LTBP1: variants seen among roughly 807,000 people sequenced by gnomAD.
LTBP1 encodes the protein latent-transforming growth factor beta-binding protein 1.
A neutral mutation model predicts 207.6 loss-of-function variants in LTBP1; 129 were observed. That is an observed-to-expected ratio of 0.62 (90% CI 0.54 to 0.72). LTBP1 has a LOEUF of 0.72. Ranked by LOEUF, LTBP1 falls within the 30% of genes least tolerant of loss-of-function variation. The pLI is 0.00. For missense variants in LTBP1, 2,281 were observed against 2,217.2 expected (o/e 1.03, Z -0.58); for synonymous variants, 963 against 833.7 (o/e 1.16, Z -2.67).
intron 3 of LTBP1, among the ~76,000 whole-genome samples, chr2:33,032,087 C>T (rs1189153553): frequency 2.0e-5 from 3 of 152,126 alleles, no homozygotes; most frequent in Admixed American, 6.5e-5. Flanking sequence ...CCTTTGGATT[C>T]GGGTTAAGGA....
chr2:33,037,162 CT>C lies in LTBP1; in HGVS notation c.863+15957del, dbSNP rs572595266. Among the ~76,000 whole-genome samples, 649 of 149,836 alleles carry C rather than the reference CT, an allele frequency of 4.3e-3. 7 individuals carry two copies. The highest frequency in any genetic ancestry group is 0.014 in the African/African-American group (591 of 40,982). On this transcript the variant is annotated intron_variant, in intron 3 of 33. Transcript: ENST00000404816. Reference sequence around the variant, plus strand: ...CACTATTTATTGACTAATTCTCCCCCTGTCCCTCTCATAAAAAAAATTATAA... The same window carrying C: ...CACTATTTATTGACTAATTCTCCCCCGTCCCTCTCATAAAAAAAATTATAA...
At chr2:33,137,240 C>A (rs1157790571) in intron 5 of LTBP1, among the ~76,000 whole-genome samples, 1 of 151,904 alleles carries the variant, frequency 6.6e-6, no homozygotes, top group East Asian at 1.9e-4. Context: ...TGATTTTTTT[C>A]TTCTCTCTTT....
intron 2 of LTBP1, among the ~76,000 whole-genome samples, chr2:32,985,994 G>A (rs1683501728): frequency 6.6e-6 from 1 of 151,992 alleles, no homozygotes; most frequent in Non-Finnish European, 1.5e-5. Flanking sequence ...GTTTCTAAGG[G>A]TGTTTTTTTC....
intron 7 of LTBP1, among the ~76,000 whole-genome samples, chr2:33,212,239 G>A (rs1157987478): frequency 6.6e-6 from 1 of 152,210 alleles, no homozygotes; most frequent in Non-Finnish European, 1.5e-5. Flanking sequence ...ATCATGACCA[G>A]TGCACTGCTG....
At chr2:33,062,377 A>G (rs751039203) in intron 3 of LTBP1, among the ~76,000 whole-genome samples, 36 of 152,158 alleles carry the variant, frequency 2.4e-4, no homozygotes, top group Admixed American at 3.9e-4. Context: ...CCTACTCTCA[A>G]ATTATAAAGA....
rs1337807874 is a variant in LTBP1, at chr2:33,215,715, TG to T, written c.1702-1836del. 9.9e-4 allele frequency among the ~76,000 whole-genome samples: 135 copies of T among 136,226 alleles called. 11 individuals are homozygous for T. The highest frequency in any genetic ancestry group is 1.9e-3 in the Admixed American group (26 of 13,938). 89.4% of individuals were successfully genotyped at this position (136,226 alleles called of 152,430 possible). A position where few individuals can be genotyped will look rare whatever the true frequency, so the allele number is the denominator to read the frequency against. On this transcript the variant is annotated intron_variant, in intron 7 of 33. Transcript: ENST00000404816. ...TGCTAAACTTCCATTGGTTTTCTTT[TG>T]TTTTTTGTTTTTTTTTTTTGAGATA... is the stretch of plus-strand genomic sequence containing the variant.
chr2:33,276,259 G>A (rs1227789309), intron 18 of LTBP1, among the ~76,000 whole-genome samples: 2 of 152,214 alleles, frequency 1.3e-5, no homozygotes, highest in Non-Finnish European at 2.9e-5. Flanking sequence ...TGCTGCAGGT[G>A]TAACCAGTGT....
chr2:33,370,552 C>G (rs751057891), intron 31 of LTBP1, among the ~76,000 whole-genome samples: 12 of 152,202 alleles, frequency 7.9e-5, no homozygotes, highest in Non-Finnish European at 1.6e-4. Context: ...TAGCATCTAA[C>G]TTTATTTTGT....
chr2:33,318,398 T>C (rs963186952), intron 24 of LTBP1, among the ~76,000 whole-genome samples: 1 of 152,168 alleles, frequency 6.6e-6, no homozygotes, highest in Non-Finnish European at 1.5e-5. Flanking sequence ...TTCCAGGCCT[T>C]GTTCCAAGGG....
At chr2:33,050,899 AATTTTTAT>A (rs1441696894) in intron 3 of LTBP1, among the ~76,000 whole-genome samples, 1 of 151,912 alleles carries the variant, frequency 6.6e-6, no homozygotes, top group Non-Finnish European at 1.5e-5. Context: ...ATGCCCAGCT[AATTTTTAT>A]ATTTTTAGTA....
At chr2:33,218,364 A>G (rs914736661) in intron 8 of LTBP1, among the ~76,000 whole-genome samples, 5 of 152,176 alleles carry the variant, frequency 3.3e-5, no homozygotes, top group African/African-American at 1.2e-4. Context: ...TTTTCAATGT[A>G]GTATTAACTC....
rs150749799 is a variant in LTBP1, at chr2:33,034,414, G to A, written c.863+13208G>A. Among the ~76,000 whole-genome samples, 562 of 152,240 alleles carry A rather than the reference G, an allele frequency of 3.7e-3. 4 individuals are homozygous for A. The highest frequency in any genetic ancestry group is 0.013 in the African/African-American group (541 of 41,542). ...AGGTGTTTTAGCTGGGCTTCTACTT[G>A]AAATTTTGTAGTGTGAATGTATATC... On this transcript the variant is annotated intron_variant, in intron 3 of 33. Coordinates refer to ENST00000404816, the MANE Select transcript of LTBP1 (RefSeq NM_206943.4).
chr2:33,261,257 A>G (rs1478123050), intron 13 of LTBP1, among the ~76,000 whole-genome samples: 1 of 152,130 alleles, frequency 6.6e-6, no homozygotes, highest in Non-Finnish European at 1.5e-5. Flanking sequence ...AAATTCTGTA[A>G]ACTGCAGTAG....
chr2:33,370,185 C>T (rs2095049808), intron 31 of LTBP1, among the ~76,000 whole-genome samples: 1 of 151,710 alleles, frequency 6.6e-6, no homozygotes, highest in South Asian at 2.1e-4. Context: ...ATACTAACAA[C>T]TATGGCTGCC....
chr2:33,166,824 A>G (rs2084960665), intron 5 of LTBP1, among the ~76,000 whole-genome samples: 1 of 152,256 alleles, frequency 6.6e-6, no homozygotes, highest in African/African-American at 2.4e-5. Flanking sequence ...ATCAGTCAGT[A>G]ATGAATCACG....
chr2:33,091,156 G>A (rs1459738458), intron 3 of LTBP1, among the ~76,000 whole-genome samples: 2 of 152,126 alleles, frequency 1.3e-5, no homozygotes, highest in African/African-American at 2.4e-5. Context: ...GTGTGTCTAC[G>A]TGTGTGTATG....
intron 5 of LTBP1, among the ~76,000 whole-genome samples, chr2:33,138,922 G>C (rs557072151): frequency 4.1e-4 from 54 of 131,224 alleles, no homozygotes; most frequent in South Asian, 2.6e-3. Flanking sequence ...GCAGTGGCGC[G>C]ATCTCGGCTC....
chr2:33,202,022 A>AAC (rs10558832), intron 7 of LTBP1, among the ~76,000 whole-genome samples: 2,784 of 140,646 alleles, frequency 0.02, 34 homozygotes, highest in Middle Eastern at 0.038. Flanking sequence ...TTAGCACTGG[A>AAC]ACACACACAC....
chr2:32,948,740 G>C, intron 1 of LTBP1, 135 bp from the exon 2 acceptor site: 1 of 797,218 alleles, frequency 1.3e-6, no homozygotes. Flanking sequence ...GGCATCCAGG[G>C]TACCTGTTAG....
Sources: gnomAD v4.1 joint callset for allele counts (sites outside exome capture counted in the v4.1 genomes callset) on GRCh38, gnomAD v4.1.1 for gene constraint, MANE v1.5 for transcripts, NCBI Gene and HGNC (gene_info 2026-07-23, HGNC 2026-07-21) for gene names.